The following GATA6 variants were observed in gnomAD, a reference collection of about 807,000 sequenced individuals.
GATA6 encodes transcription factor GATA-6.
Under a neutral mutation model 48.1 loss-of-function variants are expected in GATA6, and 11 were observed. The ratio of observed to expected loss-of-function variants is 0.23; its 90% CI spans 0.14 to 0.38. GATA6 has a LOEUF of 0.38. Among genes scored for constraint, GATA6 ranks in the 10% least tolerant of loss-of-function variants. GATA6 has a pLI of 1.00. For missense variants in GATA6, 795 were observed against 850.3 expected (o/e 0.93, Z 0.81); for synonymous variants, 419 against 396.1 (o/e 1.06, Z -0.69).
At position 22,201,676 on chromosome 18, in the gene GATA6, A is replaced by G. The variant is rs562192054; in HGVS notation, c.*853A>G. 6.6e-6 allele frequency: 1 copy of G among 152,670 alleles called. No individual in the cohort carries two copies. The highest frequency in any genetic ancestry group is 1.5e-5 in the Non-Finnish European group (1 of 68,036). The allele number at this position is 152,670 out of a possible 1,614,324, so 9.5% of individuals were successfully genotyped here. A position where few individuals can be genotyped will look rare whatever the true frequency, so the allele number is the denominator to read the frequency against. ...ATTGTTAAAGAAAAATATTTCAAGA[A>G]CAAATCTTCTCTCAGGAAAATTGCC... On this transcript the variant is annotated 3_prime_UTR_variant, in exon 7 of 7. Coordinates refer to ENST00000269216, the MANE Select transcript of GATA6 (RefSeq NM_005257.6).
intron 6 of GATA6, among the ~76,000 whole-genome samples, chr18:22,198,234 C>T (rs2033415955): frequency 6.6e-6 from 1 of 152,082 alleles, no homozygotes. Context: ...ACATGCCCAG[C>T]TAACTTTTGT....
intron 3 of GATA6, among the ~76,000 whole-genome samples, chr18:22,178,481 G>A (rs2033154829): frequency 6.6e-6 from 1 of 152,184 alleles, no homozygotes; most frequent in Non-Finnish European, 1.5e-5. Flanking sequence ...GATGCCAGAC[G>A]TCTTAAGTAT....
intron 6 of GATA6, among the ~76,000 whole-genome samples, chr18:22,193,858 T>A (rs1459321513): frequency 6.6e-6 from 1 of 152,178 alleles, no homozygotes; most frequent in Non-Finnish European, 1.5e-5. Flanking sequence ...AACCCATGTT[T>A]TTCTTTGGAA....
rs1479474473 is a variant in GATA6 at position 22,170,135 on chromosome 18, C to T, written c.-38+453C>T. Reference sequence around the variant, plus strand: ...CCGAGTCTCCCTGTCATTCTTCCTGCTCTCCCATTTGGGGTCGCCTCGGCT... The same window carrying T: ...CCGAGTCTCCCTGTCATTCTTCCTGTTCTCCCATTTGGGGTCGCCTCGGCT... On this transcript the variant is annotated intron_variant, in intron 1 of 6. Transcript: ENST00000269216. The surrounding 1 kb of genome is among the most constrained non-coding windows in gnomAD (Gnocchi z 6.7). Among the ~76,000 whole-genome samples the T allele has an allele frequency of 6.6e-6, 1 of 152,216 alleles. No individual in the cohort carries two copies. Among genetic ancestry groups the T allele is most frequent in the Non-Finnish European group, 1.5e-5 (1 of 68,046 alleles).
chr18:22,190,941 C>T (rs777999616), intron 6 of GATA6, among the ~76,000 whole-genome samples: 29 of 151,930 alleles, frequency 1.9e-4, no homozygotes, highest in African/African-American at 5.3e-4. Context: ...CACGTCACCC[C>T]GGCAGGGAAT....
chr18:22,187,820 A>G (rs1306804570), intron 6 of GATA6, among the ~76,000 whole-genome samples: 3 of 152,076 alleles, frequency 2.0e-5, no homozygotes, highest in African/African-American at 7.3e-5. Flanking sequence ...GAAATTAGCA[A>G]TAATATCTGA....
intron 6 of GATA6, among the ~76,000 whole-genome samples, chr18:22,197,505 T>G (rs551833196): frequency 6.6e-6 from 1 of 152,170 alleles, no homozygotes; most frequent in Non-Finnish European, 1.5e-5. Context: ...CATCCTTCTG[T>G]TTTTCAGCTG....
chr18:22,182,653 C>A lies in GATA6; in HGVS notation c.1429-104C>A, dbSNP rs571320939. The A allele has an allele frequency of 3.4e-5, 28 of 832,990 alleles. No individual in the cohort carries two copies. The East Asian group carries it at 5.8e-4, about 17-fold the overall frequency. 51.6% of individuals were successfully genotyped at this position (832,990 alleles called of 1,614,324 possible). On this transcript the variant is annotated intron_variant, in intron 4 of 6. Coordinates refer to ENST00000269216, the MANE Select transcript of GATA6 (RefSeq NM_005257.6). ...GATTAGAGGCGTGAGCCACTGCACT[C>A]GGCCGCCAAATTCTTTTAAATGAGA...
rs369239969 is a variant in GATA6 at position 22,187,310 on chromosome 18, G to A, written c.1620+4267G>A. On this transcript the variant is annotated intron_variant, in intron 6 of 6. Coordinates refer to ENST00000269216, the MANE Select transcript of GATA6 (RefSeq NM_005257.6). ...AGCCTGACCAACATGGAGAAACCCC[G>A]TCTCTACTAAAAATACAAACTTAGC... 5.9e-4 allele frequency among the ~76,000 whole-genome samples: 89 copies of A among 152,004 alleles called. No homozygotes were observed. In the Middle Eastern group the frequency reaches 0.014, roughly 23 times the overall value.
At chr18:22,169,911 C>A (rs1211523010) in intron 1 of GATA6, among the ~76,000 whole-genome samples, 2 of 152,222 alleles carry the variant, frequency 1.3e-5, no homozygotes, top group Admixed American at 6.5e-5. Context: ...TGCGCGCAGC[C>A]TTATCTCCGA....
At chr18:22,187,490 A>T (rs529980904) in intron 6 of GATA6, among the ~76,000 whole-genome samples, 1 of 152,018 alleles carries the variant, frequency 6.6e-6, no homozygotes, top group East Asian at 1.9e-4. Context: ...CAGAAAAAAA[A>T]AAAAATTTTT....
In GATA6 at chr18:22,175,252, T is replaced by A. The variant is rs145380725; in HGVS notation, c.1136-1703T>A. 2.0e-3 allele frequency among the ~76,000 whole-genome samples: 311 copies of A among 152,280 alleles called. 2 individuals are homozygous for A. Among genetic ancestry groups the A allele is most frequent in the African/African-American group, 7.0e-3 (291 of 41,544 alleles). On this transcript the variant is annotated intron_variant, in intron 2 of 6. Transcript: ENST00000269216. The stretch of plus-strand genomic sequence containing the variant: ...TTATTCAACTAAAAATAAGCAAGCT[T>A]CCTAGGTTGTATTTATCCAAAGTGG...
intron 6 of GATA6, among the ~76,000 whole-genome samples, chr18:22,190,021 T>C (rs2033308574): frequency 6.6e-6 from 1 of 152,224 alleles, no homozygotes; most frequent in Admixed American, 6.5e-5. Context: ...GTTAGATTAA[T>C]ATGCGATATT....
intron 2 of GATA6, among the ~76,000 whole-genome samples, chr18:22,174,446 A>G (rs1302918511): frequency 1.3e-5 from 2 of 152,216 alleles, no homozygotes; most frequent in African/African-American, 2.4e-5. Flanking sequence ...TTTAGCCTAC[A>G]CTTTTCCTAA....
At position 22,171,624 on chromosome 18, in the gene GATA6, C is replaced by T; in HGVS notation, c.480C>T (p.Ala160=). The part of the protein sequence containing the change: ...TLAALSSQGP[A]AYDGAPGGFV... ...CCGCTCTCTCCAGCCAGGGTCCGGC[C>T]GCCTACGACGGCGCGCCCGGCGGCT... Residue 160 remains alanine, a synonymous_variant, in exon 2 of 7, where the codon GCC becomes GCT. Coordinates refer to ENST00000269216, the MANE Select transcript of GATA6 (RefSeq NM_005257.6). The surrounding 1 kb of genome is among the most constrained non-coding windows in gnomAD (Gnocchi z 7.1). The T allele has an allele frequency of 6.3e-7, 1 of 1,597,314 alleles. No individual in the cohort carries two copies. The highest frequency in any genetic ancestry group is 8.5e-7 in the Non-Finnish European group (1 of 1,178,158).
chr18:22,192,021 G>A (rs1370614243), intron 6 of GATA6, among the ~76,000 whole-genome samples: 1 of 152,184 alleles, frequency 6.6e-6, no homozygotes, highest in Admixed American at 6.5e-5. Flanking sequence ...TTAAACACAA[G>A]TATTTTACAT....
intron 2 of GATA6, chr18:22,176,408 T>C (rs1293594854): frequency 6.6e-6 from 1 of 152,288 alleles, no homozygotes; most frequent in Non-Finnish European, 1.5e-5. Context: ...CACTTGTGTA[T>C]CTTTAATTGG....
rs916504776 is a variant in GATA6, at chr18:22,170,343, C to T, written c.-38+661C>T. ...GCGCGCACGCTGGTGGCTGCAGGCG[C>T]GGGCCGTGTCTAAGGTGTGCGGCGC... On this transcript the variant is annotated intron_variant, in intron 1 of 6. Coordinates refer to ENST00000269216, the MANE Select transcript of GATA6 (RefSeq NM_005257.6). The surrounding 1 kb of genome is among the most constrained non-coding windows in gnomAD (Gnocchi z 6.7). Among the ~76,000 whole-genome samples the T allele has an allele frequency of 1.3e-5, 2 of 152,214 alleles. No homozygotes were observed. The highest frequency in any genetic ancestry group is 4.8e-5 in the African/African-American group (2 of 41,458).
intron 3 of GATA6, among the ~76,000 whole-genome samples, chr18:22,180,963 G>A (rs2033187539): frequency 1.3e-5 from 2 of 152,146 alleles, no homozygotes; most frequent in African/African-American, 2.4e-5. Flanking sequence ...GCGGCAGGGA[G>A]GTGGGGCACT....
Sources: gnomAD v4.1 joint callset for allele counts (sites outside exome capture counted in the v4.1 genomes callset) on GRCh38, gnomAD v4.1.1 for gene constraint, Gnocchi (gnomAD v3.1) non-coding constraint, MANE v1.5 for transcripts, NCBI Gene and HGNC (gene_info 2026-07-23, HGNC 2026-07-21) for gene names.